The following MAPK10 variants were observed in gnomAD, a reference collection of about 807,000 sequenced individuals.
The protein encoded by MAPK10 is mitogen-activated protein kinase 10.
A neutral mutation model predicts 59.3 loss-of-function variants in MAPK10; 25 were observed. That is an observed-to-expected ratio of 0.42 (90% confidence interval 0.31 to 0.59). The LOEUF is 0.59. Among genes scored for constraint, MAPK10 ranks in the 20% least tolerant of loss-of-function variants. MAPK10 has a pLI of 0.15. For synonymous variants in MAPK10, 190 were observed against 200.5 expected, an observed-to-expected ratio of 0.95 and a Z score of 0.44; for missense variants, 351 against 568.9, an observed-to-expected ratio of 0.62 and a Z score of 3.90.
intron 4 of MAPK10, among the ~76,000 whole-genome samples, chr4:86,142,304 C>T (rs892401493): frequency 6.6e-6 from 1 of 152,110 alleles, no homozygotes; most frequent in African/African-American, 2.4e-5. Flanking sequence ...ACTGGAGCTG[C>T]GTTAATGGAC....
At chr4:86,188,052 A>C (rs2078712501) in intron 3 of MAPK10, among the ~76,000 whole-genome samples, 1 of 152,154 alleles carries the variant, frequency 6.6e-6, no homozygotes, top group Non-Finnish European at 1.5e-5. Context: ...TTCCAGCTTC[A>C]TCCATGTCCC....
chr4:86,573,717 G>A (rs368815256), intron 1 of MAPK10, among the ~76,000 whole-genome samples: 7 of 152,036 alleles, frequency 4.6e-5, no homozygotes, highest in Admixed American at 3.9e-4. Flanking sequence ...ATCCATAAAC[G>A]TGATATGTCT....
intron 11 of MAPK10, among the ~76,000 whole-genome samples, chr4:86,062,941 G>A (rs995965417): frequency 6.6e-6 from 1 of 152,028 alleles, no homozygotes; most frequent in African/African-American, 2.4e-5. Flanking sequence ...TAATTGTAGG[G>A]ATATTATTTG....
intron 2 of MAPK10, among the ~76,000 whole-genome samples, chr4:86,210,264 A>T (rs2085402736): frequency 6.6e-6 from 1 of 152,082 alleles, no homozygotes; most frequent in Non-Finnish European, 1.5e-5. Context: ...ACCAAAGCAA[A>T]AATAGACAAA....
intron 3 of MAPK10, chr4:86,192,109 T>C (rs1196129750): frequency 6.6e-6 from 1 of 152,210 alleles, no homozygotes; most frequent in Non-Finnish European, 1.5e-5. Context: ...CCCACTCTCT[T>C]CTGGCTTGTA....
intron 4 of MAPK10, among the ~76,000 whole-genome samples, chr4:86,139,014 T>G: frequency 1.3e-5 from 1 of 75,654 alleles, no homozygotes; most frequent in African/African-American, 2.9e-5. Flanking sequence ...TACAAACCAC[T>G]GCTCAAAGAA....
chr4:86,398,090 C>A (rs1743206842), intron 1 of MAPK10, among the ~76,000 whole-genome samples: 1 of 151,894 alleles, frequency 6.6e-6, no homozygotes, highest in Non-Finnish European at 1.5e-5. Flanking sequence ...TGAGAAGAGA[C>A]AGGCGCACAG....
chr4:86,494,782 G>A (rs536736910), intron 1 of MAPK10, among the ~76,000 whole-genome samples: 1 of 135,916 alleles, frequency 7.4e-6, no homozygotes, highest in Non-Finnish European at 1.5e-5. Flanking sequence ...GGCGGAGCTT[G>A]CAGTGAGCTG....
At chr4:86,246,283 TAGCCAGGC>T (rs2093080454) in intron 2 of MAPK10, among the ~76,000 whole-genome samples, 1 of 151,978 alleles carries the variant, frequency 6.6e-6, no homozygotes, top group African/African-American at 2.4e-5. Flanking sequence ...CACAAAAAAT[TAGCCAGGC>T]ATGGTGGTGG....
rs951343797 is a variant in MAPK10, at chr4:86,335,287, A to G, written c.-7+19243T>C. 4.6e-5 allele frequency: 7 copies of G among 152,222 alleles called. No homozygotes were observed. In the South Asian group the frequency reaches 1.4e-3, roughly 32 times the overall value. The allele number at this position is 152,222 out of a possible 1,614,324, so 9.4% of individuals were successfully genotyped here. A position where few individuals can be genotyped will look rare whatever the true frequency, so the allele number is the denominator to read the frequency against. On this transcript the variant is annotated intron_variant, in intron 2 of 13. Transcript: ENST00000641462. ...GTAGACATCAAACTCTATTCAAACT[A>G]AAAGACTGCAAAGGTTGTAGAAGCT...
intron 11 of MAPK10, among the ~76,000 whole-genome samples, chr4:86,041,596 A>T (rs2041533955): frequency 6.6e-6 from 1 of 152,190 alleles, no homozygotes; most frequent in South Asian, 2.1e-4. Flanking sequence ...ACAAAGGTCT[A>T]ATATCCAGAA....
Position 86,067,801 on chromosome 4 carries a change from TG to T in MAPK10, c.956del (p.Pro319GlnfsTer22). The T allele has an allele frequency of 6.2e-7, 1 of 1,613,476 alleles. No homozygotes were observed. The highest frequency in any genetic ancestry group is 8.5e-7 in the Non-Finnish European group (1 of 1,179,646). On this transcript the variant is annotated frameshift_variant, in exon 10 of 14. Transcript: ENST00000641462. LOFTEE classifies it high-confidence loss of function. ...TGAGTTTATTGTGCTCGGAGTCCGC[TG>T]GGAAGAGGGAATCTGGGAAGAGTTT... ...FPKLFPDSLF[P>X]ADSEHNKLKA... is the part of the protein sequence containing the mutation.
intron 4 of MAPK10, among the ~76,000 whole-genome samples, chr4:86,108,278 A>G (rs79512893): frequency 6.6e-6 from 1 of 152,094 alleles, no homozygotes; most frequent in Non-Finnish European, 1.5e-5. Context: ...TTAGAGATCA[A>G]ATGAGAAAGT....
chr4:86,221,704 T>C (rs1160437480), intron 2 of MAPK10, among the ~76,000 whole-genome samples: 1 of 152,146 alleles, frequency 6.6e-6, no homozygotes, highest in African/African-American at 2.4e-5. Flanking sequence ...GGTTTTGCCA[T>C]GTTTCCCAGG....
chr4:86,351,769 A>G (rs1360143458), intron 2 of MAPK10, among the ~76,000 whole-genome samples: 1 of 152,032 alleles, frequency 6.6e-6, no homozygotes, highest in Non-Finnish European at 1.5e-5. Context: ...TGGTTTCCTT[A>G]CCTCTAAATT....
intron 2 of MAPK10, among the ~76,000 whole-genome samples, chr4:86,262,017 G>A (rs976342703): frequency 6.6e-6 from 1 of 152,220 alleles, no homozygotes; most frequent in Admixed American, 6.5e-5. Flanking sequence ...AATCTTGTGA[G>A]TCTAATTATT....
At chr4:86,115,560 C>G (rs1419916126) in intron 4 of MAPK10, among the ~76,000 whole-genome samples, 2 of 152,142 alleles carry the variant, frequency 1.3e-5, no homozygotes, top group Non-Finnish European at 2.9e-5. Context: ...CCCCTGGGTT[C>G]AAGTGATTCT....
chr4:86,407,718 A>T (rs1477599037), intron 1 of MAPK10, among the ~76,000 whole-genome samples: 1 of 152,216 alleles, frequency 6.6e-6, no homozygotes, highest in Non-Finnish European at 1.5e-5. Context: ...AAGTGATACT[A>T]AAGTATAAAT....
chr4:86,572,885 T>C (rs1761572764), intron 1 of MAPK10, among the ~76,000 whole-genome samples: 1 of 152,244 alleles, frequency 6.6e-6, no homozygotes, highest in Admixed American at 6.5e-5. Context: ...TGCATTTTCC[T>C]AATTAATAAT....
Sources: allele counts gnomAD v4.1 joint callset (sites outside exome capture counted in the v4.1 genomes callset), GRCh38; gene constraint gnomAD v4.1.1; transcripts MANE v1.5; gene names NCBI Gene and HGNC (gene_info 2026-07-23, HGNC 2026-07-21).